IKZF2: variants seen among roughly 807,000 people sequenced by gnomAD.
The protein encoded by IKZF2 is zinc finger protein Helios.
A neutral mutation model predicts 49.2 loss-of-function variants in IKZF2; 15 were observed. The observed-to-expected ratio is 0.30, with a 90% CI of 0.20 to 0.47. The LOEUF (loss-of-function observed/expected upper bound fraction) is 0.47, where lower values mean the gene tolerates loss of function less well. IKZF2 is among the 20% of genes least tolerant of loss of function. The probability of loss-of-function intolerance (pLI) is 1.00; values close to 1 mark genes in which losing one functional copy is unlikely to be tolerated. For synonymous variants in IKZF2, 227 were observed against 221.4 expected (o/e 1.03, Z -0.23); for missense variants, 567 against 664.6 (o/e 0.85, Z 1.61).
In IKZF2 at chr2:213,022,063, G is replaced by A. The variant is rs1697288757; in HGVS notation, c.642C>T (p.His214=). Residue 214 remains histidine, a synonymous_variant, in exon 7 of 9, where the codon CAC becomes CAT. Coordinates refer to ENST00000434687, the MANE Select transcript of IKZF2 (RefSeq NM_001387220.1). ...GGAGATAGTTGTGGCAGCGTTCCTTGTGCTCCTCCAGTGAACTGCGCTGCT... is the reference window on the plus strand; with the variant it reads ...GGAGATAGTTGTGGCAGCGTTCCTTATGCTCCTCCAGTGAACTGCGCTGCT... ...SYKQRSSLEE[H]KERCHNYLQN... The A allele has an allele frequency of 3.1e-6, 5 of 1,613,686 alleles. No homozygotes were observed. Among genetic ancestry groups the A allele is most frequent in the African/African-American group, 1.3e-5 (1 of 74,892 alleles).
At chr2:213,127,003 G>A (rs1013549965) in intron 4 of IKZF2, among the ~76,000 whole-genome samples, 1 of 152,078 alleles carries the variant, frequency 6.6e-6, no homozygotes, top group Non-Finnish European at 1.5e-5. Context: ...GCTATCTGCC[G>A]GGAAATGACC....
At chr2:213,058,959 T>A (rs972438153) in intron 4 of IKZF2, among the ~76,000 whole-genome samples, 1 of 151,932 alleles carries the variant, frequency 6.6e-6, no homozygotes, top group Non-Finnish European at 1.5e-5. Context: ...ATTTTATAAA[T>A]CTAGCATCAT....
intron 7 of IKZF2, among the ~76,000 whole-genome samples, chr2:213,016,243 G>A (rs1189281987): frequency 6.6e-6 from 1 of 152,054 alleles, no homozygotes; most frequent in Non-Finnish European, 1.5e-5. Context: ...CATCTTCACT[G>A]TACAGATGAG....
At chr2:213,066,319 C>T (rs751972676) in intron 4 of IKZF2, among the ~76,000 whole-genome samples, 55 of 151,940 alleles carry the variant, frequency 3.6e-4, no homozygotes, top group Middle Eastern at 3.2e-3. Flanking sequence ...CACTGGGCAA[C>T]GGCAACAGAG....
intron 4 of IKZF2, among the ~76,000 whole-genome samples, chr2:213,112,537 C>CACTAGCCAT (rs2059746784): frequency 6.7e-6 from 1 of 150,348 alleles, no homozygotes. Context: ...GATCACAGCT[C>CACTAGCCAT]ACTAGCCATG....
At chr2:213,144,570 T>C (rs1282514865) in intron 4 of IKZF2, among the ~76,000 whole-genome samples, 1 of 151,874 alleles carries the variant, frequency 6.6e-6, no homozygotes, top group Non-Finnish European at 1.5e-5. Context: ...ATTTTTATAT[T>C]GTTCTGTCTG....
chr2:213,111,638 C>A (rs1017180965), intron 4 of IKZF2, among the ~76,000 whole-genome samples: 1 of 152,028 alleles, frequency 6.6e-6, no homozygotes. Context: ...ACAAAATCTA[C>A]CTAGTTTCTG....
In IKZF2 at chr2:213,150,262, A is replaced by T; in HGVS notation, c.-119-15T>A. 1 of 1,046,548 alleles carries T rather than the reference A, an allele frequency of 9.6e-7. No individual in the cohort carries two copies. The highest frequency in any genetic ancestry group is 1.3e-6 in the Non-Finnish European group (1 of 756,396). The allele number at this position is 1,046,548 out of a possible 1,614,324, so 64.8% of individuals were successfully genotyped here. On this transcript the variant is annotated splice_polypyrimidine_tract_variant and intron_variant, in intron 1 of 8. Transcript: ENST00000434687. ...ACAATGTCGGGCTGAAGATAAACGG[A>T]GGGAGAAAGAAAGAAGTTTTTTGTG...
chr2:213,143,717 C>T (rs1293756747), intron 4 of IKZF2, among the ~76,000 whole-genome samples: 2 of 151,850 alleles, frequency 1.3e-5, no homozygotes, highest in Non-Finnish European at 2.9e-5. Context: ...CCAAACTAAG[C>T]TACAGAAGAA....
At chr2:213,089,087 T>C (rs1189065637) in intron 4 of IKZF2, among the ~76,000 whole-genome samples, 1 of 152,206 alleles carries the variant, frequency 6.6e-6, no homozygotes, top group African/African-American at 2.4e-5. Flanking sequence ...ATTCTAGGAA[T>C]GACTCTCAAG....
chr2:213,138,203 C>T (rs2060744616), intron 4 of IKZF2, among the ~76,000 whole-genome samples: 1 of 151,964 alleles, frequency 6.6e-6, no homozygotes, highest in Non-Finnish European at 1.5e-5. Flanking sequence ...CTTAAATGTG[C>T]TATATCAAGA....
intron 8 of IKZF2, among the ~76,000 whole-genome samples, chr2:213,009,297 T>C (rs1246386419): frequency 2.6e-5 from 4 of 152,162 alleles, no homozygotes; most frequent in African/African-American, 7.2e-5. Flanking sequence ...AAAGTAGTTT[T>C]GATTTTTAGC....
At position 213,001,330 on chromosome 2, in the gene IKZF2, A is replaced by G. The variant is rs1163433921; in HGVS notation, c.*6030T>C. The G allele has an allele frequency of 2.0e-5, 3 of 151,984 alleles. No individual in the cohort carries two copies. Among genetic ancestry groups the G allele is most frequent in the Non-Finnish European group, 4.4e-5 (3 of 67,580 alleles). The allele number at this position is 151,984 out of a possible 1,614,324, so 9.4% of individuals were successfully genotyped here. On this transcript the variant is annotated 3_prime_UTR_variant, in exon 9 of 9. Transcript: ENST00000434687. ...TAAGACTCTTTGCTTTACATTTTTAACACCTTTCTAAACACTTGCAAATAA... is the reference window on the plus strand; with the variant it reads ...TAAGACTCTTTGCTTTACATTTTTAGCACCTTTCTAAACACTTGCAAATAA...
intron 4 of IKZF2, among the ~76,000 whole-genome samples, chr2:213,116,817 T>C (rs1196694601): frequency 1.3e-5 from 2 of 152,228 alleles, no homozygotes; most frequent in African/African-American, 2.4e-5. Flanking sequence ...AGCCCTGACT[T>C]CCTTTTACTT....
chr2:213,105,782 G>A (rs2059505356), intron 4 of IKZF2, among the ~76,000 whole-genome samples: 1 of 152,138 alleles, frequency 6.6e-6, no homozygotes, highest in South Asian at 2.1e-4. Flanking sequence ...CACGACTATT[G>A]ATAGGGTAAC....
intron 4 of IKZF2, among the ~76,000 whole-genome samples, chr2:213,108,626 T>C (rs2059607872): frequency 6.6e-6 from 1 of 152,178 alleles, no homozygotes; most frequent in Admixed American, 6.5e-5. Context: ...TCTACTCTTC[T>C]GGAATAAAAT....
intron 5 of IKZF2, among the ~76,000 whole-genome samples, chr2:213,050,849 T>G (rs543502158): frequency 6.6e-6 from 1 of 152,034 alleles, no homozygotes; most frequent in African/African-American, 2.4e-5. Context: ...AATGCTATTA[T>G]TTTAAATTCA....
chr2:213,138,189 T>C (rs145693017), intron 4 of IKZF2, among the ~76,000 whole-genome samples: 2 of 152,198 alleles, frequency 1.3e-5, no homozygotes, highest in East Asian at 1.9e-4. Context: ...ATTAAATCTG[T>C]AACCTTAAAT....
chr2:213,064,694 T>C (rs1339217183), intron 4 of IKZF2, among the ~76,000 whole-genome samples: 1 of 151,754 alleles, frequency 6.6e-6, no homozygotes, highest in Admixed American at 6.6e-5. Context: ...GATGAATGAT[T>C]TCATTTGCCA....
Sources: allele counts gnomAD v4.1 joint callset (sites outside exome capture counted in the v4.1 genomes callset), GRCh38; gene constraint gnomAD v4.1.1; transcripts MANE v1.5; gene names NCBI Gene and HGNC (gene_info 2026-07-23, HGNC 2026-07-21).